SPNS3: variants seen among roughly 807,000 people sequenced by gnomAD.
SPNS3 encodes the protein protein spinster homolog 3.
A neutral mutation model predicts 54.4 loss-of-function variants in SPNS3; 51 were observed. The ratio of observed to expected loss-of-function variants is 0.94; its 90% CI spans 0.75 to 1.18. The LOEUF is 1.18. SPNS3 is among the 50% of genes most tolerant of loss of function. The probability of loss-of-function intolerance (pLI) is 0.00; values close to 1 mark genes in which losing one functional copy is unlikely to be tolerated. For synonymous variants in SPNS3, 309 were observed against 294.7 expected (o/e 1.05, Z -0.50); for missense variants, 669 against 677.4 (o/e 0.99, Z 0.14).
chr17:4,472,774 C>CATTTTTTTTTTTTTTTTTT (rs1567572187), intron 8 of SPNS3, among the ~76,000 whole-genome samples: 9 of 50,940 alleles, frequency 1.8e-4, no homozygotes, highest in African/African-American at 7.1e-4. Flanking sequence ...GCTTGGCAGC[C>CATTTTTTTTTTTTTTTTTT]TTTTTTTTTT....
chr17:4,478,646 G>A lies in SPNS3; in HGVS notation c.1179+9G>A, dbSNP rs1972076940. 6.3e-7 allele frequency: 1 copy of A among 1,581,576 alleles called. No homozygotes were observed. Among genetic ancestry groups the A allele is most frequent in the Non-Finnish European group, 8.6e-7 (1 of 1,163,444 alleles). On this transcript the variant is annotated intron_variant, in intron 9 of 11. Transcript: ENST00000355530. ...TTGCCGACATCCTGCTGGTAGGTGT[G>A]GGAGTCGGGGTGGTGGGCTGAGCAG... is the stretch of plus-strand genomic sequence containing the variant.
At chr17:4,476,393 T>C (rs529589267) in intron 8 of SPNS3, among the ~76,000 whole-genome samples, 2 of 151,908 alleles carry the variant, frequency 1.3e-5, no homozygotes, top group East Asian at 3.9e-4. Flanking sequence ...AAGGAAAGGG[T>C]GTATTTCAGC....
At chr17:4,434,397 C>G (rs566014974) in intron 1 of SPNS3, among the ~76,000 whole-genome samples, 20 of 152,210 alleles carry the variant, frequency 1.3e-4, no homozygotes, top group Non-Finnish European at 2.8e-4. Context: ...TGGTGGCTCC[C>G]GCTTGTAATT....
At chr17:4,487,344 T>C (rs1338694640) in intron 11 of SPNS3, among the ~76,000 whole-genome samples, 1 of 152,108 alleles carries the variant, frequency 6.6e-6, no homozygotes, top group Non-Finnish European at 1.5e-5. Flanking sequence ...GCCATGGGAA[T>C]GCACCTGATA....
chr17:4,487,825 T>C lies in SPNS3; in HGVS notation c.1470T>C (p.Asp490=), dbSNP rs1972363567. ...QPVTGTPDSN[D]VDSNDLERQG... ...CTGCAGGGACCCCAGACAGCAATGA[T>C]GTGGACAGCAACGACCTGGAGAGAC... Residue 490 remains aspartate, a synonymous_variant, in exon 12 of 12, where the codon GAT becomes GAC. Transcript: ENST00000355530. 1.2e-6 allele frequency: 2 copies of C among 1,614,000 alleles called. No individual in the cohort carries two copies. The highest frequency in any genetic ancestry group is 1.1e-5 in the South Asian group (1 of 91,090).
At chr17:4,459,863 A>G (rs1441484070) in intron 8 of SPNS3, among the ~76,000 whole-genome samples, 1 of 152,266 alleles carries the variant, frequency 6.6e-6, no homozygotes, top group Non-Finnish European at 1.5e-5. Context: ...TGTAAAATTC[A>G]GAGTATTTCA....
At chr17:4,471,103 T>G (rs1189262366) in intron 8 of SPNS3, among the ~76,000 whole-genome samples, 1 of 152,156 alleles carries the variant, frequency 6.6e-6, no homozygotes, top group African/African-American at 2.4e-5. Context: ...TTTGTATTTT[T>G]AGTAGAGATA....
chr17:4,441,794 T>G (rs1970853930), intron 2 of SPNS3, among the ~76,000 whole-genome samples: 1 of 130,600 alleles, frequency 7.7e-6, no homozygotes, highest in Non-Finnish European at 1.7e-5. Flanking sequence ...ATGGTGGGGG[T>G]GTGTTGGGGG....
intron 1 of SPNS3, 110 bp from the exon 2 acceptor site, chr17:4,439,548 G>T (rs1970795331): frequency 3.1e-5 from 28 of 903,958 alleles, no homozygotes; most frequent in Non-Finnish European, 4.9e-5. Flanking sequence ...TGGGTGCCAT[G>T]CCCTGTGCTG....
chr17:4,462,183 AT>A (rs1427391338), intron 8 of SPNS3, among the ~76,000 whole-genome samples: 1 of 2 alleles, frequency 0.5, no homozygotes, highest in African/African-American at 0.5. Flanking sequence ...CCATCCATCC[AT>A]CCATCCATCC....
intron 9 of SPNS3, chr17:4,482,177 C>A (rs773700844): frequency 4.6e-5 from 7 of 152,320 alleles, no homozygotes; most frequent in South Asian, 4.1e-4. Flanking sequence ...TGAGCCACTG[C>A]GCCTGTCCAG....
At chr17:4,440,235 A>G (rs993421156) in intron 2 of SPNS3, among the ~76,000 whole-genome samples, 1 of 152,166 alleles carries the variant, frequency 6.6e-6, no homozygotes, top group African/African-American at 2.4e-5. Flanking sequence ...CCATCGCAAC[A>G]TCAGAGCGGT....
intron 8 of SPNS3, among the ~76,000 whole-genome samples, chr17:4,458,563 TCCC>T (rs879896593): frequency 0.15 from 15,947 of 105,754 alleles, 2,913 homozygotes; most frequent in Admixed American, 0.26. Flanking sequence ...CTTTCTTCCT[TCCC>T]TCCTTTCTTT....
chr17:4,470,857 C>T (rs186127687), intron 8 of SPNS3, among the ~76,000 whole-genome samples: 2 of 152,232 alleles, frequency 1.3e-5, no homozygotes, highest in South Asian at 2.1e-4. Flanking sequence ...CCCTTCTCTC[C>T]CCAACCTCCT....
At chr17:4,436,050 G>C (rs1597296834) in intron 1 of SPNS3, among the ~76,000 whole-genome samples, 2 of 152,194 alleles carry the variant, frequency 1.3e-5, no homozygotes. Flanking sequence ...CCTGCTGGCT[G>C]CTGTGGACCC....
rs548661882 is a variant in SPNS3 at position 4,469,586 on chromosome 17, G to A, written c.1114-8986G>A. Among the ~76,000 whole-genome samples the A allele has an allele frequency of 1.8e-3, 245 of 137,892 alleles. 2 individuals are homozygous for A. Among genetic ancestry groups the A allele is most frequent in the Middle Eastern group, 9.5e-3 (2 of 210 alleles). The allele number at this position is 137,892 out of a possible 152,430, so 90.5% of individuals were successfully genotyped here. ...GTGAGCCAGGATCGCGCCACTGCAC[G>A]CCAGCCTGGGCGACAGAGCGAGAGA... On this transcript the variant is annotated intron_variant, in intron 8 of 11. Coordinates refer to ENST00000355530, the MANE Select transcript of SPNS3 (RefSeq NM_182538.5).
At chr17:4,459,345 CTG>C in intron 8 of SPNS3, among the ~76,000 whole-genome samples, 1 of 152,230 alleles carries the variant, frequency 6.6e-6, no homozygotes, top group East Asian at 1.9e-4. Flanking sequence ...GAGTGACAAA[CTG>C]TTTGTATTCA....
intron 8 of SPNS3, among the ~76,000 whole-genome samples, chr17:4,467,284 G>A (rs1159170371): frequency 6.6e-6 from 1 of 152,048 alleles, no homozygotes; most frequent in African/African-American, 2.4e-5. Flanking sequence ...CTGACTTAGG[G>A]GTTGTATCCG....
chr17:4,435,621 A>T (rs986437778), intron 1 of SPNS3, among the ~76,000 whole-genome samples: 8 of 152,082 alleles, frequency 5.3e-5, no homozygotes, highest in Non-Finnish European at 1.2e-4. Context: ...AGCCTGGGCC[A>T]GACAAGAATA....
Sources: gnomAD v4.1 joint callset for allele counts (sites outside exome capture counted in the v4.1 genomes callset) on GRCh38, gnomAD v4.1.1 for gene constraint, MANE v1.5 for transcripts, NCBI Gene and HGNC (gene_info 2026-07-23, HGNC 2026-07-21) for gene names.